GPC6: variants seen among roughly 807,000 people sequenced by gnomAD.
GPC6 encodes the protein glypican 6.
GPC6 carries 14 observed loss-of-function variants against 55.2 expected under a neutral mutation model. The observed-to-expected ratio is 0.25, with a 90% CI of 0.17 to 0.40. The LOEUF (loss-of-function observed/expected upper bound fraction) is 0.40, where lower values mean the gene tolerates loss of function less well. Among genes scored for constraint, GPC6 ranks in the 10% least tolerant of loss-of-function variants. The pLI is 1.00. For missense variants in GPC6, 641 were observed against 708.5 expected, an observed-to-expected ratio of 0.90 and a Z score of 1.08; for synonymous variants, 278 against 259.6, an observed-to-expected ratio of 1.07 and a Z score of -0.68.
chr13:94,027,940 C>G, intron 4 of GPC6, 46 bp downstream of exon 4: 1 of 1,556,026 alleles, frequency 6.4e-7, no homozygotes, highest in African/African-American at 1.4e-5. Flanking sequence ...GGGACAACAG[C>G]AAGTGTTTAT....
intron 3 of GPC6, among the ~76,000 whole-genome samples, chr13:93,884,380 A>G (rs1308386726): frequency 6.6e-6 from 1 of 152,120 alleles, no homozygotes; most frequent in Non-Finnish European, 1.5e-5. Context: ...TATCCTTACC[A>G]TAATGCATTC....
intron 3 of GPC6, among the ~76,000 whole-genome samples, chr13:93,972,973 G>GTCTC (rs144858036): frequency 7.1e-6 from 1 of 141,460 alleles, no homozygotes; most frequent in Non-Finnish European, 1.6e-5. Context: ...CTCCCTCTCT[G>GTCTC]TCTCTCTCTC....
intron 1 of GPC6, among the ~76,000 whole-genome samples, chr13:93,323,161 T>C (rs906551561): frequency 6.6e-6 from 1 of 152,236 alleles, no homozygotes; most frequent in African/African-American, 2.4e-5. Context: ...AGATTATATA[T>C]GTTAAATTCA....
chr13:94,351,962 CAAAAA>C (rs60206836), intron 6 of GPC6, among the ~76,000 whole-genome samples: 11 of 101,538 alleles, frequency 1.1e-4, no homozygotes, highest in East Asian at 3.1e-4. Context: ...GAGAAGAAGG[CAAAAA>C]AAAAAAAAAA....
intron 2 of GPC6, among the ~76,000 whole-genome samples, chr13:93,715,046 T>C (rs1762265116): frequency 6.6e-6 from 1 of 151,648 alleles, no homozygotes; most frequent in African/African-American, 2.4e-5. Context: ...CCAGATGGTT[T>C]AGGCTGATTT....
At chr13:93,975,119 T>C (rs1045387467) in intron 3 of GPC6, among the ~76,000 whole-genome samples, 2 of 152,166 alleles carry the variant, frequency 1.3e-5, no homozygotes, top group Admixed American at 6.6e-5. Flanking sequence ...GGCCCAGCTA[T>C]CATTACTTTA....
At chr13:93,813,499 G>A (rs1037418008) in intron 2 of GPC6, among the ~76,000 whole-genome samples, 4 of 152,058 alleles carry the variant, frequency 2.6e-5, no homozygotes, top group Non-Finnish European at 4.4e-5. Flanking sequence ...AAATGAAATA[G>A]CAAAAGAACC....
chr13:93,943,463 C>T (rs1387615501), intron 3 of GPC6, among the ~76,000 whole-genome samples: 11 of 152,102 alleles, frequency 7.2e-5, no homozygotes, highest in Admixed American at 4.6e-4. Flanking sequence ...TAAGTGGAAT[C>T]GCTTGCATCC....
intron 3 of GPC6, among the ~76,000 whole-genome samples, chr13:93,872,729 C>T (rs1271085659): frequency 6.6e-6 from 1 of 151,938 alleles, no homozygotes. Context: ...TTCACCTCTG[C>T]AAAATCCTTT....
At chr13:94,038,019 C>A (rs887890421) in intron 4 of GPC6, among the ~76,000 whole-genome samples, 9 of 151,760 alleles carry the variant, frequency 5.9e-5, no homozygotes, top group African/African-American at 2.2e-4. Flanking sequence ...TTGCATGTGG[C>A]TGTTGAACAC....
At chr13:93,323,278 T>C (rs2025947) in intron 1 of GPC6, among the ~76,000 whole-genome samples, 24,361 of 152,158 alleles carry the variant, frequency 0.16, 2,410 homozygotes, top group East Asian at 0.37. Flanking sequence ...GCATCATTGA[T>C]GACACATTAT....
At chr13:94,115,040 G>A (rs888301042) in intron 4 of GPC6, among the ~76,000 whole-genome samples, 2 of 152,082 alleles carry the variant, frequency 1.3e-5, no homozygotes, top group Non-Finnish European at 2.9e-5. Flanking sequence ...TGTGATAAGA[G>A]CCAACTAGTT....
intron 1 of GPC6, among the ~76,000 whole-genome samples, chr13:93,337,801 C>G (rs1043220756): frequency 6.6e-6 from 1 of 152,158 alleles, no homozygotes; most frequent in African/African-American, 2.4e-5. Flanking sequence ...CACTACCCTT[C>G]TGGTTATGTT....
intron 2 of GPC6, among the ~76,000 whole-genome samples, chr13:93,670,884 T>A (rs1217601512): frequency 6.6e-6 from 1 of 152,216 alleles, no homozygotes; most frequent in Non-Finnish European, 1.5e-5. Flanking sequence ...ATTTTTAGTA[T>A]CACGGGATGC....
At chr13:93,693,114 A>G (rs1281482962) in intron 2 of GPC6, among the ~76,000 whole-genome samples, 2 of 152,188 alleles carry the variant, frequency 1.3e-5, no homozygotes, top group Admixed American at 6.5e-5. Flanking sequence ...GATTGTTAGC[A>G]TCTTCAAGCC....
At chr13:93,346,309 T>C (rs534485329) in intron 1 of GPC6, among the ~76,000 whole-genome samples, 253 of 152,316 alleles carry the variant, frequency 1.7e-3, no homozygotes, top group Middle Eastern at 6.8e-3. Flanking sequence ...AATGGGCAAG[T>C]GTAAAGCTGA....
intron 2 of GPC6, among the ~76,000 whole-genome samples, chr13:93,673,738 C>A (rs1227160289): frequency 6.6e-6 from 1 of 152,150 alleles, no homozygotes; most frequent in Non-Finnish European, 1.5e-5. Context: ...CCCAAGTTAT[C>A]TATAAACAGA....
At chr13:94,201,130 G>A (rs1889733915) in intron 4 of GPC6, among the ~76,000 whole-genome samples, 1 of 152,188 alleles carries the variant, frequency 6.6e-6, no homozygotes, top group African/African-American at 2.4e-5. Flanking sequence ...CACTTCCTCA[G>A]ACAGAATGTT....
intron 2 of GPC6, among the ~76,000 whole-genome samples, chr13:93,684,399 G>T (rs538983100): frequency 6.6e-6 from 1 of 152,234 alleles, no homozygotes; most frequent in Non-Finnish European, 1.5e-5. Context: ...TGTTGGCCAG[G>T]CTGGCCTCGA....
Sources: allele counts gnomAD v4.1 joint callset (sites outside exome capture counted in the v4.1 genomes callset), GRCh38; gene constraint gnomAD v4.1.1; transcripts MANE v1.5; gene names NCBI Gene and HGNC (gene_info 2026-07-23, HGNC 2026-07-21).